Variants in PHF12 observed in about 807,000 individuals in gnomAD.
PHF12 encodes PHD finger protein 12, also known as PHD factor 1.
Under a neutral mutation model 99.8 loss-of-function variants are expected in PHF12, and 6 were observed. The ratio of observed to expected loss-of-function variants is 0.06; its 90% CI spans 0.03 to 0.12. The LOEUF (loss-of-function observed/expected upper bound fraction) is 0.12. PHF12 is among the 10% of genes least tolerant of loss of function. The pLI, the probability that PHF12 is intolerant of heterozygous loss-of-function variation, is 1.00. For missense variants in PHF12, 954 were observed against 1,300.1 expected, an observed-to-expected ratio of 0.73 and a Z score of 4.09; for synonymous variants, 480 against 514.9, an observed-to-expected ratio of 0.93 and a Z score of 0.92.
At chr17:28,914,086 T>C (rs1464072169) in intron 7 of PHF12, 49 bp from the exon 8 acceptor site, 2 of 1,537,874 alleles carry the variant, frequency 1.3e-6, no homozygotes, top group Admixed American at 1.7e-5. Flanking sequence ...AGTTCCAACA[T>C]GTCTAGTTGA....
At chr17:28,919,096 G>A (rs368237774) in intron 6 of PHF12, 47 bp downstream of exon 6, 11 of 1,582,718 alleles carry the variant, frequency 7.0e-6, no homozygotes, top group African/African-American at 5.4e-5. Context: ...ATCAGTCCAC[G>A]CTCCAGCTAT....
rs571734249 is a variant in PHF12, at chr17:28,923,046, C to CAA, written c.715+861_715+862dup. On this transcript the variant is annotated intron_variant, in intron 4 of 14. Coordinates refer to ENST00000332830, the MANE Select transcript of PHF12 (RefSeq NM_001033561.2). ...CCACAGTGCAGTGCAGCCTCTGTCT[C>CAA]AAAAAAAAAAAAATTCTATATTAAT... Among the ~76,000 whole-genome samples, 394 of 129,374 alleles carry CAA rather than the reference C, an allele frequency of 3.0e-3. 3 individuals carry two copies. Among genetic ancestry groups the CAA allele is most frequent in the Middle Eastern group, 4.5e-3 (1 of 224 alleles). 84.9% of individuals were successfully genotyped at this position (129,374 alleles called of 152,430 possible).
At chr17:28,916,481 C>T (rs950513689) in intron 7 of PHF12, among the ~76,000 whole-genome samples, 1 of 152,212 alleles carries the variant, frequency 6.6e-6, no homozygotes, top group Non-Finnish European at 1.5e-5. Context: ...CAGGCGTGAG[C>T]CACCGCGCCT....
chr17:28,925,680 G>A (rs1393266346), intron 3 of PHF12: 1 of 152,230 alleles, frequency 6.6e-6, no homozygotes, highest in Non-Finnish European at 1.5e-5. Context: ...CATTGGTTCT[G>A]TCAATACCTT....
Position 28,906,433 on chromosome 17 carries a change from C to T in PHF12, c.2765G>A (p.Arg922Lys). ...GCTGCTGGCTTTGCAATTGCAGGGT[C>T]TCCGCTGCGGCCCCTGGGCCTGGGA... is the stretch of plus-strand genomic sequence containing the variant. ...MSSQAQGPQR[R>K]PCNCKASSSS... Residue 922 changes from arginine to lysine, a missense_variant, in exon 15 of 15, where the codon AGA (arginine) becomes AAA (lysine). Around this residue, in one of 8 missense-constraint regions of PHF12, gnomAD observed 136 missense variants for 172.3 expected, o/e 0.79. Transcript: ENST00000332830. This position sits in a 1 kb window ranked among gnomAD's most constrained non-coding sequence, Gnocchi z 4.2. 1 of 1,614,138 alleles carries T rather than the reference C, an allele frequency of 6.2e-7. No individual in the cohort carries two copies. The highest frequency in any genetic ancestry group is 8.5e-7 in the Non-Finnish European group (1 of 1,180,044).
Position 28,910,254 on chromosome 17 carries a change from C to G in PHF12, c.2331G>C (p.Gln777His), listed in dbSNP as rs2039934553. 3.7e-6 allele frequency: 6 copies of G among 1,614,102 alleles called. No individual in the cohort carries two copies. The Admixed American group carries it at 6.7e-5, about 18-fold the overall frequency. Residue 777 changes from glutamine (Q) to histidine (H), a missense_variant, in exon 11 of 15, where the codon CAG becomes CAC. This residue lies in a region of PHF12 where 143 missense variants were observed against 191.8 expected (regional missense o/e 0.75). Transcript: ENST00000332830. ...QPSPGSVGTH[Q>H]LASGGHHIEV... ...CTATGTGGTGCCCTCCAGAAGCCAGCTGATGTGTCCCGACACTGCCCGGTG... is the reference window on the plus strand; with the variant it reads ...CTATGTGGTGCCCTCCAGAAGCCAGGTGATGTGTCCCGACACTGCCCGGTG...
intron 3 of PHF12, chr17:28,926,689 A>G (rs938289527): frequency 2.0e-6 from 2 of 1,010,888 alleles, no homozygotes; most frequent in Admixed American, 6.1e-5. Context: ...TTTGTTTTTC[A>G]GCCATGGATA....
At position 28,912,643 on chromosome 17, in the gene PHF12, C is replaced by A. The variant is rs1390291480; in HGVS notation, c.1928G>T (p.Arg643Ile). Residue 643 changes from arginine to isoleucine, a missense_variant, in exon 9 of 15, where the codon AGA becomes ATA. Around this residue, in one of 8 missense-constraint regions of PHF12, gnomAD observed 392 missense variants for 423.1 expected, o/e 0.93. Transcript: ENST00000332830. ...TCCTATCTGTGATTGGACAGTCTTTCTTTGCAAAGTGCTGGTGTTCTCGAT... is the reference window on the plus strand; with the variant it reads ...TCCTATCTGTGATTGGACAGTCTTTATTTGCAAAGTGCTGGTGTTCTCGAT... The part of the protein sequence containing the change: ...ASIENTSTLQ[R>I]KTVQSQIGPP... 1.9e-6 allele frequency: 3 copies of A among 1,614,216 alleles called. No individual in the cohort carries two copies. The highest frequency in any genetic ancestry group is 1.7e-5 in the Admixed American group (1 of 60,030).
At chr17:28,913,757 A>G in intron 8 of PHF12, 122 bp downstream of exon 8, 2 of 1,349,518 alleles carry the variant, frequency 1.5e-6, no homozygotes, top group Non-Finnish European at 2.0e-6. Context: ...TCAACTCTTG[A>G]GGGGTTAGGA....
intron 9 of PHF12, 180 bp from the exon 10 acceptor site, chr17:28,911,417 A>T: frequency 1.3e-6 from 1 of 752,664 alleles, no homozygotes; most frequent in African/African-American, 1.8e-5. Flanking sequence ...GGCAGATGGA[A>T]CGACAAAGCA....
chr17:28,906,693 G>C lies in PHF12; in HGVS notation c.2680+163C>G, dbSNP rs2039877576. The C allele has an allele frequency of 1.7e-6, 2 of 1,211,592 alleles. No homozygotes were observed. The highest frequency in any genetic ancestry group is 2.3e-6 in the Non-Finnish European group (2 of 875,428). The allele number at this position is 1,211,592 out of a possible 1,614,324, so 75.1% of individuals were successfully genotyped here. A position where few individuals can be genotyped will look rare whatever the true frequency, so the allele number is the denominator to read the frequency against. On this transcript the variant is annotated intron_variant, in intron 14 of 14. Transcript: ENST00000332830. The surrounding 1 kb of genome is among the most constrained non-coding windows in gnomAD (Gnocchi z 4.2). ...GTCCCCACAGGTGTGTACACACATG[G>C]GGGTACTCAGCACTTGCTTCTCTGT...
chr17:28,917,797 G>A (rs764407442), intron 6 of PHF12, among the ~76,000 whole-genome samples: 15 of 152,168 alleles, frequency 9.9e-5, no homozygotes, highest in African/African-American at 2.2e-4. Context: ...TAGCAGCACA[G>A]GTTTCAGAGA....
chr17:28,921,510 A>C (rs148285435), intron 5 of PHF12, among the ~76,000 whole-genome samples, 178 bp downstream of exon 5: 39 of 152,246 alleles, frequency 2.6e-4, no homozygotes, highest in Middle Eastern at 3.4e-3. Flanking sequence ...TCTTCAGAAA[A>C]TTTGTTAACA....
chr17:28,912,536 C>T lies in PHF12; in HGVS notation c.2035G>A (p.Gly679Ser), dbSNP rs1441190745. The T allele has an allele frequency of 2.5e-6, 4 of 1,612,522 alleles. No individual in the cohort carries two copies. Among genetic ancestry groups the T allele is most frequent in the East Asian group, 2.2e-5 (1 of 44,856 alleles). ...TGGTTGGCTGTTGTGGCCAAGATAC[C>T]ATCTCCTGCTGCTTGCGGGGGAGTG... ...VLTPPQAAGD[G>S]ILATTANQRF... The change falls in exon 9 of 15, where the codon GGT becomes AGT. Residue 679 changes from glycine (G) to serine (S), a missense_variant. Gly to Ser is a moderately conservative substitution (Grantham distance 56). Coordinates refer to ENST00000332830, the MANE Select transcript of PHF12 (RefSeq NM_001033561.2).
intron 7 of PHF12, among the ~76,000 whole-genome samples, chr17:28,917,064 G>C (rs1038922020): frequency 1.3e-5 from 2 of 152,172 alleles, no homozygotes; most frequent in Admixed American, 6.5e-5. Context: ...TGGAAAACTA[G>C]AGACTGGTAG....
Position 28,913,866 on chromosome 17 carries a change from C to T in PHF12, c.1293+13G>A. 5.0e-6 allele frequency: 8 copies of T among 1,588,988 alleles called. No homozygotes were observed. Among genetic ancestry groups the T allele is most frequent in the Non-Finnish European group, 6.9e-6 (8 of 1,161,378 alleles). ...AAGGTTGGATTTGGAATCCCCGCCC[C>T]ACCTTCACTCACCTCTTGCTGCTCT... is the stretch of plus-strand genomic sequence containing the variant. On this transcript the variant is annotated intron_variant, in intron 8 of 14. Transcript: ENST00000332830.
chr17:28,950,466 G>C lies in PHF12; in HGVS notation c.67-220C>G, dbSNP rs1187825922. The C allele has an allele frequency of 1.7e-6, 1 of 593,014 alleles. No homozygotes were observed. The highest frequency in any genetic ancestry group is 1.9e-5 in the African/African-American group (1 of 53,436). 36.7% of individuals were successfully genotyped at this position (593,014 alleles called of 1,614,324 possible). On this transcript the variant is annotated intron_variant, in intron 1 of 14. Transcript: ENST00000332830. The surrounding 1 kb of genome is among the most constrained non-coding windows in gnomAD (Gnocchi z 5.7). ...AACGAGAACAGCTTCTTCCAAATGG[G>C]GAGGATCAAGGGTAGGGGGATGGGA... is the stretch of plus-strand genomic sequence containing the variant.
intron 2 of PHF12, chr17:28,944,906 T>A (rs1357084756): frequency 6.6e-6 from 1 of 152,178 alleles, no homozygotes; most frequent in African/African-American, 2.4e-5. Flanking sequence ...AGTTAATATA[T>A]TTTAATCTAT....
In PHF12 at chr17:28,906,107, G is replaced by A; in HGVS notation, c.*76C>T. ...CTGGTAGAGTATAGAAAACACCCGG[G>A]CTTGGTTTGTGTACATTTTTGCATT... On this transcript the variant is annotated 3_prime_UTR_variant, in exon 15 of 15. Coordinates refer to ENST00000332830, the MANE Select transcript of PHF12 (RefSeq NM_001033561.2). This position sits in a 1 kb window ranked among gnomAD's most constrained non-coding sequence, Gnocchi z 4.2. 1 of 1,424,576 alleles carries A rather than the reference G, an allele frequency of 7.0e-7. No homozygotes were observed. Among genetic ancestry groups the A allele is most frequent in the Non-Finnish European group, 9.4e-7 (1 of 1,058,844 alleles). 88.2% of individuals were successfully genotyped at this position (1,424,576 alleles called of 1,614,324 possible). A position where few individuals can be genotyped will look rare whatever the true frequency, so the allele number is the denominator to read the frequency against.
Sources: allele counts gnomAD v4.1 joint callset (sites outside exome capture counted in the v4.1 genomes callset), GRCh38; gene constraint gnomAD v4.1.1; regional missense constraint gnomAD v4.1.1; non-coding constraint Gnocchi (gnomAD v3.1); transcripts MANE v1.5; gene names NCBI Gene and HGNC (gene_info 2026-07-23, HGNC 2026-07-21).